The following FRMD3 variants were observed in gnomAD, a reference collection of about 807,000 sequenced individuals.
FRMD3 encodes the protein FERM domain-containing protein 3.
FRMD3 carries 33 observed loss-of-function variants against 70.2 expected under a neutral mutation model. The ratio of observed to expected loss-of-function variants is 0.47; its 90% CI spans 0.36 to 0.63. The LOEUF is 0.63. FRMD3 is among the 20% of genes least tolerant of loss of function. The pLI is 0.00. For missense variants in FRMD3, 632 were observed against 711.4 expected (o/e 0.89, Z 1.27); for synonymous variants, 279 against 255.9 (o/e 1.09, Z -0.86).
the FRMD3 span, among the ~76,000 whole-genome samples, chr9:83,579,926 C>CA: frequency 6.6e-6 from 1 of 151,772 alleles, no homozygotes; most frequent in Non-Finnish European, 1.5e-5. Context: ...GTGAATTTCT[C>CA]AATAGTAAGA....
At chr9:83,449,719 A>G (rs1827586182) in intron 1 of FRMD3, among the ~76,000 whole-genome samples, 1 of 152,210 alleles carries the variant, frequency 6.6e-6, no homozygotes, top group African/African-American at 2.4e-5. Context: ...CTCTAGACTC[A>G]TGTTTGTTGA....
chr9:83,480,325 C>A (rs1389774108), intron 1 of FRMD3, among the ~76,000 whole-genome samples: 1 of 152,088 alleles, frequency 6.6e-6, no homozygotes, highest in African/African-American at 2.4e-5. Context: ...GTACAGTCAG[C>A]CCTCCATATC....
At chr9:83,436,236 C>T (rs867810065) in intron 1 of FRMD3, among the ~76,000 whole-genome samples, 2 of 152,078 alleles carry the variant, frequency 1.3e-5, no homozygotes, top group Non-Finnish European at 2.9e-5. Flanking sequence ...AAGAAATGTC[C>T]GTGGAAATCC....
intron 6 of FRMD3, among the ~76,000 whole-genome samples, chr9:83,318,894 G>A (rs574654779): frequency 1.3e-5 from 2 of 152,214 alleles, no homozygotes; most frequent in East Asian, 3.9e-4. Flanking sequence ...TTTCTCTGAT[G>A]TTTAGTGATG....
chr9:83,543,059 C>T (rs1830016748), upstream of FRMD3, among the ~76,000 whole-genome samples: 1 of 151,960 alleles, frequency 6.6e-6, no homozygotes, highest in South Asian at 2.1e-4. Flanking sequence ...AACATCAACA[C>T]ATCAAAAGCA....
chr9:83,256,475 C>T (rs763190635), intron 13 of FRMD3, among the ~76,000 whole-genome samples: 15 of 152,078 alleles, frequency 9.9e-5, no homozygotes, highest in South Asian at 2.1e-4. Context: ...GATTTCATGA[C>T]GAAAATGCCA....
chr9:83,267,820 G>A (rs1227188821), intron 13 of FRMD3, among the ~76,000 whole-genome samples: 4 of 152,164 alleles, frequency 2.6e-5, no homozygotes, highest in Admixed American at 2.6e-4. Flanking sequence ...CACATGTATA[G>A]CACATCTCAA....
intron 1 of FRMD3, among the ~76,000 whole-genome samples, chr9:83,451,489 G>A (rs113320046): frequency 2.7e-4 from 41 of 151,942 alleles, no homozygotes; most frequent in Non-Finnish European, 4.9e-4. Context: ...CTACCCAGGC[G>A]ATTGTCTGCA....
intron 6 of FRMD3, among the ~76,000 whole-genome samples, chr9:83,329,367 G>T (rs554716096): frequency 6.6e-6 from 1 of 152,288 alleles, no homozygotes; most frequent in African/African-American, 2.4e-5. Flanking sequence ...CTCATCTTAA[G>T]AAAGATTGGG....
At chr9:83,573,910 T>C in the FRMD3 span, among the ~76,000 whole-genome samples, 17 of 152,252 alleles carry the variant, frequency 1.1e-4, no homozygotes, top group Admixed American at 1.3e-4. Flanking sequence ...AAGGGCTGTG[T>C]TGTTTTCAAA....
intron 13 of FRMD3, among the ~76,000 whole-genome samples, chr9:83,253,040 C>G (rs962789702): frequency 1.3e-5 from 2 of 152,152 alleles, no homozygotes; most frequent in Non-Finnish European, 2.9e-5. Flanking sequence ...TAGATATCTA[C>G]AGAAATCTCC....
At chr9:83,310,625 T>A in intron 8 of FRMD3, 77 bp from the exon 9 acceptor site, 1 of 1,130,176 alleles carries the variant, frequency 8.8e-7, no homozygotes. Context: ...CATAGGAATC[T>A]GACTCAAAAA....
chr9:83,252,897 T>C (rs1215733160), intron 13 of FRMD3, among the ~76,000 whole-genome samples: 1 of 151,858 alleles, frequency 6.6e-6, no homozygotes, highest in Non-Finnish European at 1.5e-5. Context: ...AGCAAGTGCT[T>C]AGAGACTTAG....
chr9:83,275,701 C>T (rs576931973), intron 13 of FRMD3, among the ~76,000 whole-genome samples: 1 of 152,186 alleles, frequency 6.6e-6, no homozygotes, highest in Non-Finnish European at 1.5e-5. Flanking sequence ...TAAGAAACAC[C>T]CTTACACTCA....
In FRMD3 at chr9:83,332,595, G is replaced by T. The variant is rs1348800924; in HGVS notation, c.596+2921C>A. On this transcript the variant is annotated intron_variant, in intron 6 of 13. Transcript: ENST00000304195. ...AATAATCCTAATCAATAAAAAGGCT[G>T]GGAGAAGGTTGTGAAACCACCCCCT... Among the ~76,000 whole-genome samples the T allele has an allele frequency of 2.0e-5, 3 of 152,138 alleles. No individual in the cohort carries two copies. In the East Asian group the frequency reaches 5.8e-4, roughly 29 times the overall value.
chr9:83,333,773 A>G (rs560728159), intron 6 of FRMD3, among the ~76,000 whole-genome samples: 102 of 152,292 alleles, frequency 6.7e-4, no homozygotes, highest in African/African-American at 2.3e-3. Context: ...GGAGAAGAGC[A>G]TGGGCATACC....
At chr9:83,380,537 CA>C (rs2131276904) in intron 2 of FRMD3, among the ~76,000 whole-genome samples, 1 of 152,208 alleles carries the variant, frequency 6.6e-6, no homozygotes, top group African/African-American at 2.4e-5. Context: ...CCTTATCATA[CA>C]AATGGTGCAT....
intron 1 of FRMD3, among the ~76,000 whole-genome samples, chr9:83,530,395 C>T (rs1008102441): frequency 1.3e-5 from 2 of 152,158 alleles, no homozygotes; most frequent in Non-Finnish European, 2.9e-5. Context: ...CAAAAGTTCA[C>T]ATATTTTATG....
intron 1 of FRMD3, among the ~76,000 whole-genome samples, chr9:83,499,577 A>G (rs1293893523): frequency 6.6e-6 from 1 of 152,210 alleles, no homozygotes; most frequent in Non-Finnish European, 1.5e-5. Flanking sequence ...GTACAAAAAA[A>G]TTCATCCTAC....
Sources: gnomAD v4.1 joint callset for allele counts (sites outside exome capture counted in the v4.1 genomes callset) on GRCh38, gnomAD v4.1.1 for gene constraint, MANE v1.5 for transcripts, NCBI Gene and HGNC (gene_info 2026-07-23, HGNC 2026-07-21) for gene names.